Variants in LGSN observed in about 807,000 individuals in gnomAD.
The protein encoded by LGSN is lengsin.
A neutral mutation model predicts 19.5 loss-of-function variants in LGSN; 21 were observed. That is an observed-to-expected ratio of 1.07 (90% CI 0.76 to 1.55). LGSN has a LOEUF of 1.55. Among genes scored for constraint, LGSN ranks in the 40% most tolerant of loss-of-function variants. The pLI is 0.00. For synonymous variants in LGSN, 257 were observed against 215.6 expected, an observed-to-expected ratio of 1.19 and a Z score of -1.68; for missense variants, 673 against 608.5, an observed-to-expected ratio of 1.11 and a Z score of -1.12.
the LGSN span, among the ~76,000 whole-genome samples, chr6:63,454,812 T>TTTTTTTTTA: frequency 7.0e-6 from 1 of 142,580 alleles, no homozygotes; most frequent in South Asian, 2.3e-4. Context: ...TTTTTTTTTT[T>TTTTTTTTTA]GAGACGGAGT....
chr6:63,281,137 T>C lies in LGSN; in HGVS notation c.414A>G (p.Ile138Met). 6.2e-7 allele frequency: 1 copy of C among 1,613,792 alleles called. No individual in the cohort carries two copies. The highest frequency in any genetic ancestry group is 8.5e-7 in the Non-Finnish European group (1 of 1,179,912). The change falls in exon 4 of 4, where the codon ATA becomes ATG. Residue 138 changes from isoleucine (I) to methionine (M), a missense_variant. Coordinates refer to ENST00000370657, the MANE Select transcript of LGSN (RefSeq NM_016571.3). ...PNPKDNEMNN[I>M]RATCFNSDIV... ...TGTCGCTATTAAAACATGTGGCTCT[T>C]ATGTTATTCATTTCATTGTCCTTTG...
the LGSN span, among the ~76,000 whole-genome samples, chr6:63,400,565 C>A: frequency 6.6e-6 from 1 of 152,162 alleles, no homozygotes; most frequent in African/African-American, 2.4e-5. Context: ...GTCAATGTTG[C>A]AATGTAAATG....
the LGSN span, among the ~76,000 whole-genome samples, chr6:63,391,832 A>G: frequency 6.6e-6 from 1 of 152,160 alleles, no homozygotes; most frequent in Non-Finnish European, 1.5e-5. Flanking sequence ...GGGCCCTAGG[A>G]GCAGAGAAAC....
At chr6:63,428,031 T>TA in the LGSN span, among the ~76,000 whole-genome samples, 3 of 152,218 alleles carry the variant, frequency 2.0e-5, no homozygotes, top group East Asian at 5.8e-4. Context: ...ACGCTGTTTT[T>TA]ATCACAAAAG....
At chr6:63,375,773 C>T in the LGSN span, among the ~76,000 whole-genome samples, 2 of 152,040 alleles carry the variant, frequency 1.3e-5, no homozygotes, top group African/African-American at 4.8e-5. Context: ...AGAAAGATAG[C>T]ATGTTAGGAA....
At chr6:63,473,720 C>G in the LGSN span, among the ~76,000 whole-genome samples, 1 of 148,638 alleles carries the variant, frequency 6.7e-6, no homozygotes, top group Non-Finnish European at 1.5e-5. Flanking sequence ...TGACTGGGGT[C>G]CAAGTAGTCC....
chr6:63,292,064 A>C (rs947372695), intron 2 of LGSN, among the ~76,000 whole-genome samples: 1 of 152,126 alleles, frequency 6.6e-6, no homozygotes, highest in African/African-American at 2.4e-5. Context: ...GATAAGGGCC[A>C]CCCCAGCTGA....
the LGSN span, among the ~76,000 whole-genome samples, chr6:63,427,936 A>C: frequency 2.6e-3 from 396 of 152,296 alleles, 1 homozygote; most frequent in Middle Eastern, 0.01. Flanking sequence ...ATTAATAGGC[A>C]CCTAATTATC....
At chr6:63,547,932 A>G in the LGSN span, among the ~76,000 whole-genome samples, 5 of 152,174 alleles carry the variant, frequency 3.3e-5, no homozygotes, top group East Asian at 9.6e-4. Context: ...CTTGCTTAAA[A>G]CCCTTAAAGT....
chr6:63,389,459 T>C, the LGSN span, among the ~76,000 whole-genome samples: 1 of 152,220 alleles, frequency 6.6e-6, no homozygotes, highest in African/African-American at 2.4e-5. Flanking sequence ...TCCCACCGTC[T>C]TCTTCTGCAT....
At chr6:63,339,072 A>G in the LGSN span, among the ~76,000 whole-genome samples, 345 of 152,158 alleles carry the variant, frequency 2.3e-3, 2 homozygotes, top group Middle Eastern at 0.014. Context: ...TTAATTTCTG[A>G]GACTTGTTTT....
At chr6:63,543,573 G>T in the LGSN span, among the ~76,000 whole-genome samples, 1 of 152,234 alleles carries the variant, frequency 6.6e-6, no homozygotes, top group African/African-American at 2.4e-5. Flanking sequence ...ATAAGGCAGA[G>T]TGTTGATGAT....
the LGSN span, chr6:63,573,455 C>G: frequency 6.6e-6 from 1 of 152,170 alleles, no homozygotes; most frequent in Admixed American, 6.5e-5. Flanking sequence ...CCTCGGCGCC[C>G]GCGCCTGACT....
chr6:63,521,690 C>T, the LGSN span: 8 of 152,158 alleles, frequency 5.3e-5, no homozygotes, highest in Non-Finnish European at 8.8e-5. Flanking sequence ...TCTCTGCCTC[C>T]CCTACAGTAA....
the LGSN span, among the ~76,000 whole-genome samples, chr6:63,477,999 T>A: frequency 2.6e-5 from 4 of 152,134 alleles, no homozygotes; most frequent in Admixed American, 2.6e-4. Context: ...CTCATCCTCC[T>A]CCTACTTCTC....
chr6:63,554,050 G>A, the LGSN span, among the ~76,000 whole-genome samples: 5 of 152,154 alleles, frequency 3.3e-5, no homozygotes, highest in Non-Finnish European at 5.9e-5. Flanking sequence ...CTGAGGAGGG[G>A]AGGAGTAATT....
chr6:63,441,092 C>T, the LGSN span: 2 of 174,728 alleles, frequency 1.1e-5, no homozygotes, highest in Non-Finnish European at 2.4e-5. Context: ...GCCTGTAATT[C>T]CAGCTACTCG....
At chr6:63,430,710 C>T in the LGSN span, among the ~76,000 whole-genome samples, 3 of 152,030 alleles carry the variant, frequency 2.0e-5, no homozygotes, top group African/African-American at 2.4e-5. Flanking sequence ...AATTTATCAT[C>T]GGAGTGAAAT....
chr6:63,294,968 A>T lies in LGSN; in HGVS notation c.108T>A (p.Thr36=), dbSNP rs892640389. The part of the protein sequence containing the change: ...NTLRRTRKKV[T]KPYVCSTEVG... ...CTTCAGTTGAACAAACATATGGTTT[A>T]GTGACTTTCTTCCTTGTCCTTCTTA... Residue 36 remains threonine, a synonymous_variant, in exon 2 of 4, where the codon ACT becomes ACA. Transcript: ENST00000370657. The T allele has an allele frequency of 1.1e-5, 17 of 1,613,776 alleles. No individual in the cohort carries two copies. Among genetic ancestry groups the T allele is most frequent in the African/African-American group, 1.3e-5 (1 of 74,932 alleles).
Sources: allele counts gnomAD v4.1 joint callset (sites outside exome capture counted in the v4.1 genomes callset), GRCh38; gene constraint gnomAD v4.1.1; transcripts MANE v1.5; gene names NCBI Gene and HGNC (gene_info 2026-07-23, HGNC 2026-07-21).